The following MS4A3 variants were observed in gnomAD, a reference collection of about 807,000 sequenced individuals.
The protein encoded by MS4A3 is membrane spanning 4-domains A3, also known as membrane-spanning 4-domains subfamily A member 3.
In MS4A3, 18 loss-of-function variants were observed where a neutral mutation model predicts 24.7. That is an observed-to-expected ratio of 0.73 (90% CI 0.50 to 1.08). The LOEUF (loss-of-function observed/expected upper bound fraction) is 1.08. Among genes scored for constraint, MS4A3 ranks in the 50% least tolerant of loss-of-function variants. The probability of loss-of-function intolerance (pLI) is 0.00; values close to 1 mark genes in which losing one functional copy is unlikely to be tolerated. For synonymous variants in MS4A3, 84 were observed against 95.3 expected (o/e 0.88, Z 0.69); for missense variants, 282 against 251.7 (o/e 1.12, Z -0.82).
rs375486225 is a variant in MS4A3 at position 60,067,123 on chromosome 11, G to T, written c.513+11G>T. The T allele has an allele frequency of 1.9e-6, 3 of 1,567,038 alleles. No individual in the cohort carries two copies. Among genetic ancestry groups the T allele is most frequent in the Non-Finnish European group, 2.6e-6 (3 of 1,156,360 alleles). On this transcript the variant is annotated intron_variant, in intron 5 of 6. Transcript: ENST00000278865. ...GGCTCCATATCAAATGTATGTTTCT[G>T]AAAAATATGTATAAGTATAAAATAT... is the stretch of plus-strand genomic sequence containing the variant.
At chr11:60,064,065 G>T (rs1032531278) in intron 3 of MS4A3, among the ~76,000 whole-genome samples, 197 bp from the exon 4 acceptor site, 1 of 94,798 alleles carries the variant, frequency 1.1e-5, no homozygotes, top group Non-Finnish European at 2.2e-5. Context: ...TGCATGGAAA[G>T]ACTAAATAAA....
chr11:60,060,521 T>A (rs940006827), intron 1 of MS4A3, among the ~76,000 whole-genome samples: 2 of 152,154 alleles, frequency 1.3e-5, no homozygotes, highest in Non-Finnish European at 2.9e-5. Context: ...TATAGTACTA[T>A]ATAATGTGGT....
chr11:60,058,806 C>T, intron 1 of MS4A3, among the ~76,000 whole-genome samples: 1 of 152,226 alleles, frequency 6.6e-6, no homozygotes, highest in East Asian at 1.9e-4. Flanking sequence ...GATATTTAAT[C>T]CAAAATACAC....
At chr11:60,068,238 C>CTTTTTTTTT (rs71456407) in intron 5 of MS4A3, among the ~76,000 whole-genome samples, 1 of 103,916 alleles carries the variant, frequency 9.6e-6, no homozygotes, top group Non-Finnish European at 1.8e-5. Context: ...ATAACCTTAC[C>CTTTTTTTTT]TTTTTTTTTT....
rs1001644949 is a variant in MS4A3, at chr11:60,061,747, A to C, written c.156+431A>C. 7.2e-5 allele frequency among the ~76,000 whole-genome samples: 11 copies of C among 152,336 alleles called. No homozygotes were observed. The South Asian group carries it at 8.3e-4, about 11-fold the overall frequency. On this transcript the variant is annotated intron_variant, in intron 2 of 6. Transcript: ENST00000278865. ...AGTTTTACGTGGATTTACCACCATGAAAGGGTGGGCATTCCAAACCCCAAT... is the reference window on the plus strand; with the variant it reads ...AGTTTTACGTGGATTTACCACCATGCAAGGGTGGGCATTCCAAACCCCAAT...
chr11:60,064,782 C>A (rs1855332818), intron 4 of MS4A3, among the ~76,000 whole-genome samples: 1 of 152,118 alleles, frequency 6.6e-6, no homozygotes, highest in Admixed American at 6.5e-5. Context: ...TTTATTGTAT[C>A]CTCAAACACC....
At chr11:60,060,918 A>G in intron 1 of MS4A3, 1 of 341,864 alleles carries the variant, frequency 2.9e-6, no homozygotes, top group Non-Finnish European at 5.3e-6. Flanking sequence ...ACCATTCCAA[A>G]GTTAAGTGAA....
intron 5 of MS4A3, 69 bp downstream of exon 5, chr11:60,067,181 A>T: frequency 8.5e-7 from 1 of 1,182,176 alleles, no homozygotes; most frequent in Non-Finnish European, 1.2e-6. Context: ...GAAAAATAAT[A>T]TATCAGGTAC....
chr11:60,067,449 T>C (rs1302019735), intron 5 of MS4A3, among the ~76,000 whole-genome samples: 1 of 151,904 alleles, frequency 6.6e-6, no homozygotes, highest in Admixed American at 6.5e-5. Flanking sequence ...TCTCCTGACC[T>C]CGTGACCCGC....
At chr11:60,067,212 CTT>C (rs35764500) in intron 5 of MS4A3, 100 bp downstream of exon 5, 12,622 of 535,424 alleles carry the variant, frequency 0.024, no homozygotes, top group Middle Eastern at 0.037. Context: ...TAATTTGAAT[CTT>C]TTTTTTTTTT....
chr11:60,068,182 G>A (rs73479042), intron 5 of MS4A3, among the ~76,000 whole-genome samples: 3,386 of 151,248 alleles, frequency 0.022, 126 homozygotes, highest in African/African-American at 0.077. Context: ...GAAGGACTGC[G>A]CTTTAGAATG....
chr11:60,066,584 C>T (rs1855364581), intron 4 of MS4A3, among the ~76,000 whole-genome samples: 1 of 152,178 alleles, frequency 6.6e-6, no homozygotes, highest in Admixed American at 6.5e-5. Flanking sequence ...CTGGCTGGCA[C>T]CCACAGCTCT....
chr11:60,061,521 A>G (rs1451181492), intron 2 of MS4A3: 1 of 668,292 alleles, frequency 1.5e-6, no homozygotes, highest in East Asian at 3.0e-5. Context: ...GAGGATGAAG[A>G]CCTTTATGAT....
chr11:60,068,267 T>C (rs1321261044), intron 5 of MS4A3, among the ~76,000 whole-genome samples: 1 of 119,940 alleles, frequency 8.3e-6, no homozygotes, highest in African/African-American at 3.1e-5. Flanking sequence ...TGAGACGGAG[T>C]CTTGCTCTGT....
rs148195320 is a variant in MS4A3, at chr11:60,062,330, T to G, written c.157-138T>G. On this transcript the variant is annotated intron_variant, in intron 2 of 6. Transcript: ENST00000278865. The stretch of plus-strand genomic sequence containing the variant: ...ATAAAAAACTCTTTCAGATAAGCTC[T>G]CGTTCTGTTAATTTAGGCTTGACAC... 1.4e-5 allele frequency: 14 copies of G among 1,025,674 alleles called. No individual in the cohort carries two copies. The Admixed American group carries it at 2.8e-4, about 21-fold the overall frequency. 63.5% of individuals were successfully genotyped at this position (1,025,674 alleles called of 1,614,324 possible).
chr11:60,068,952 A>G lies in MS4A3; in HGVS notation c.514-622A>G, dbSNP rs1295880357. Among the ~76,000 whole-genome samples, 2 of 151,474 alleles carry G rather than the reference A, an allele frequency of 1.3e-5. 1 individual carries two copies. The highest frequency in any genetic ancestry group is 6.8e-3 in the Middle Eastern group (2 of 294). On this transcript the variant is annotated intron_variant, in intron 5 of 6. Coordinates refer to ENST00000278865, the MANE Select transcript of MS4A3 (RefSeq NM_006138.5). ...CCCACCTATGGGTGAGACACTACTT[A>G]TGGAAGTTTGTGTTCTCATTTTCTT...
intron 4 of MS4A3, among the ~76,000 whole-genome samples, chr11:60,065,629 T>C (rs932003065): frequency 1.3e-5 from 2 of 152,206 alleles, no homozygotes; most frequent in African/African-American, 4.8e-5. Flanking sequence ...TCCACCCTGC[T>C]AAAACAACGG....
chr11:60,064,313 A>G lies in MS4A3; in HGVS notation c.346A>G (p.Thr116Ala), dbSNP rs2134663313. 6.2e-7 allele frequency: 1 copy of G among 1,601,614 alleles called. No individual in the cohort carries two copies. Among genetic ancestry groups the G allele is most frequent in the Non-Finnish European group, 8.5e-7 (1 of 1,173,646 alleles). Residue 116 changes from threonine (T) to alanine (A), a missense_variant, in exon 4 of 7, where the codon ACA becomes GCA. Transcript: ENST00000278865. Reference protein sequence around the residue: ...SVVAGIKPTRTWIQNSFGMNI... With the variant: ...SVVAGIKPTRAWIQNSFGMNI... ...TGTAGCAGGGATAAAACCCACAAGA[A>G]CATGGGTAAGTAGCACTTCCTCTTT...
intron 2 of MS4A3, 23 bp downstream of exon 2, chr11:60,061,339 A>C: frequency 6.3e-7 from 1 of 1,592,676 alleles, no homozygotes; most frequent in South Asian, 1.1e-5. Context: ...TAGTTTAAAC[A>C]CTGATTTAAG....
Sources: gnomAD v4.1 joint callset for allele counts (sites outside exome capture counted in the v4.1 genomes callset) on GRCh38, gnomAD v4.1.1 for gene constraint, MANE v1.5 for transcripts, NCBI Gene and HGNC (gene_info 2026-07-23, HGNC 2026-07-21) for gene names.